Variants in RAB3C observed in about 807,000 individuals in gnomAD.
RAB3C encodes the protein ras-related protein Rab-3C.
RAB3C carries 17 observed loss-of-function variants against 26.4 expected under a neutral mutation model. The observed-to-expected ratio is 0.64, with a 90% confidence interval of 0.44 to 0.97. The LOEUF (loss-of-function observed/expected upper bound fraction) is 0.97, where lower values mean the gene tolerates loss of function less well. Ranked by LOEUF, RAB3C falls within the 50% of genes least tolerant of loss-of-function variation. The probability of loss-of-function intolerance (pLI) is 0.00; values close to 1 mark genes in which losing one functional copy is unlikely to be tolerated. For missense variants in RAB3C, 242 were observed against 281.9 expected, an observed-to-expected ratio of 0.86 and a Z score of 1.01; for synonymous variants, 91 against 95.9, an observed-to-expected ratio of 0.95 and a Z score of 0.30.
intron 2 of RAB3C, among the ~76,000 whole-genome samples, chr5:58,635,374 G>T (rs1392437787): frequency 6.6e-6 from 1 of 152,158 alleles, no homozygotes; most frequent in African/African-American, 2.4e-5. Flanking sequence ...TTTAATCTGG[G>T]TGCAATGGTG....
chr5:58,658,804 G>A (rs1177626726), intron 2 of RAB3C, among the ~76,000 whole-genome samples: 1 of 152,168 alleles, frequency 6.6e-6, no homozygotes, highest in Non-Finnish European at 1.5e-5. Context: ...TGAGCCAAGT[G>A]TATTTCATCA....
intron 3 of RAB3C, among the ~76,000 whole-genome samples, chr5:58,779,170 C>G (rs1270680865): frequency 6.6e-6 from 1 of 151,988 alleles, no homozygotes; most frequent in Non-Finnish European, 1.5e-5. Context: ...GCCAACAAGA[C>G]AGAATCACAG....
At position 58,855,898 on chromosome 5, in the gene RAB3C, A is replaced by G. The variant is rs371679797; in HGVS notation, c.*4547A>G. ...GGATTTATCTAAAATGTATCTACCT[A>G]TTGTTACTGGTATTTCACAAATAAT... On this transcript the variant is annotated 3_prime_UTR_variant, in exon 5 of 5. Coordinates refer to ENST00000282878, the MANE Select transcript of RAB3C (RefSeq NM_138453.4). The G allele has an allele frequency of 3.3e-5, 5 of 152,318 alleles. No homozygotes were observed. In the East Asian group the frequency reaches 9.6e-4, roughly 29 times the overall value. The allele number at this position is 152,318 out of a possible 1,614,324, so 9.4% of individuals were successfully genotyped here.
At chr5:58,824,196 G>A (rs990119972) in intron 3 of RAB3C, among the ~76,000 whole-genome samples, 36 of 152,022 alleles carry the variant, frequency 2.4e-4, no homozygotes, top group African/African-American at 8.4e-4. Context: ...ACGTGTGCGT[G>A]TGTCTTTATA....
chr5:58,624,086 A>G (rs1579823035), intron 2 of RAB3C, among the ~76,000 whole-genome samples: 2 of 152,210 alleles, frequency 1.3e-5, no homozygotes, highest in South Asian at 2.1e-4. Context: ...AGACTTTTGT[A>G]TTCAATTAAG....
intron 2 of RAB3C, among the ~76,000 whole-genome samples, chr5:58,659,443 T>A (rs1747851032): frequency 6.6e-6 from 1 of 152,210 alleles, no homozygotes; most frequent in South Asian, 2.1e-4. Context: ...AATCTTTTTC[T>A]CCCTTTCGCC....
chr5:58,597,079 A>AATATATAAT (rs1746306706), intron 1 of RAB3C, among the ~76,000 whole-genome samples: 4 of 6,564 alleles, frequency 6.1e-4, no homozygotes, highest in Admixed American at 4.5e-3. Context: ...ATTATATAAT[A>AATATATAAT]ATATATAATA....
intron 3 of RAB3C, among the ~76,000 whole-genome samples, chr5:58,798,218 A>G (rs1013090408): frequency 6.6e-6 from 1 of 152,162 alleles, no homozygotes; most frequent in Admixed American, 6.6e-5. Context: ...GGATGCTAAA[A>G]CATCCTGGTT....
At chr5:58,842,295 T>A (rs929872064) in intron 4 of RAB3C, among the ~76,000 whole-genome samples, 4 of 152,190 alleles carry the variant, frequency 2.6e-5, no homozygotes, top group African/African-American at 9.6e-5. Context: ...CAGAAAATCG[T>A]TTGTTCATCC....
chr5:58,720,848 C>T (rs1740733085), intron 2 of RAB3C, among the ~76,000 whole-genome samples: 1 of 151,786 alleles, frequency 6.6e-6, no homozygotes, highest in African/African-American at 2.4e-5. Flanking sequence ...AACGGTTACT[C>T]CCATTTTCCC....
At chr5:58,697,152 C>A (rs1329737485) in intron 2 of RAB3C, among the ~76,000 whole-genome samples, 2 of 152,150 alleles carry the variant, frequency 1.3e-5, no homozygotes, top group East Asian at 1.9e-4. Flanking sequence ...CAAAGAACAT[C>A]TTTATTTCTA....
chr5:58,787,384 T>G (rs953716989), intron 3 of RAB3C, among the ~76,000 whole-genome samples: 1 of 152,244 alleles, frequency 6.6e-6, no homozygotes, highest in Non-Finnish European at 1.5e-5. Flanking sequence ...AGAAATCTCT[T>G]GAGAAGAACA....
At chr5:58,653,079 G>A (rs1365678264) in intron 2 of RAB3C, among the ~76,000 whole-genome samples, 6 of 152,014 alleles carry the variant, frequency 3.9e-5, no homozygotes, top group Admixed American at 6.6e-5. Flanking sequence ...CCATCAACCC[G>A]TCATCTACTA....
At chr5:58,677,976 T>TTGTGTGTGTGTGTGTGTGTG (rs70973149) in intron 2 of RAB3C, among the ~76,000 whole-genome samples, 1,520 of 147,860 alleles carry the variant, frequency 0.01, 11 homozygotes, top group Non-Finnish European at 0.014. Flanking sequence ...CTAGATTATT[T>TTGTGTGTGTGTGTGTGTGTG]TGTGTGTGTG....
rs554520943 is a variant in RAB3C, at chr5:58,765,728, C to T, written c.371+39608C>T. On this transcript the variant is annotated intron_variant, in intron 3 of 4. Transcript: ENST00000282878. The stretch of plus-strand genomic sequence containing the variant: ...TGCATCATCCATCATTTATCTAATC[C>T]GTCACATTGATATATGATATCAAGA... 2.7e-4 allele frequency among the ~76,000 whole-genome samples: 41 copies of T among 152,196 alleles called. 1 individual carries two copies. Among genetic ancestry groups the T allele is most frequent in the South Asian group, 1.9e-3 (9 of 4,814 alleles).
At chr5:58,582,420 C>A, upstream of RAB3C, 1 of 985,370 alleles carries the variant, frequency 1.0e-6, no homozygotes, top group Non-Finnish European at 1.2e-6. Flanking sequence ...GAAAGGTAAG[C>A]AGGCGAAAGG....
chr5:58,845,086 T>A (rs906600727), intron 4 of RAB3C, among the ~76,000 whole-genome samples: 1 of 152,184 alleles, frequency 6.6e-6, no homozygotes, highest in African/African-American at 2.4e-5. Context: ...TGCAGTCACA[T>A]GTGGAATGGA....
At chr5:58,726,705 T>G (rs1180303815) in intron 3 of RAB3C, among the ~76,000 whole-genome samples, 1 of 152,036 alleles carries the variant, frequency 6.6e-6, no homozygotes, top group East Asian at 1.9e-4. Flanking sequence ...TGAAAAATTT[T>G]GAAGGACTGA....
At chr5:58,797,348 AAAAAAATATGTATATATATAATATAT>A (rs1457380775) in intron 3 of RAB3C, among the ~76,000 whole-genome samples, 2 of 6,670 alleles carry the variant, frequency 3.0e-4, no homozygotes, top group African/African-American at 1.1e-3. Context: ...ACAAAAAAAA[AAAAAAATATGTATATATATAATATAT>A]ATATATATAT....
Sources: allele counts gnomAD v4.1 joint callset (sites outside exome capture counted in the v4.1 genomes callset), GRCh38; gene constraint gnomAD v4.1.1; transcripts MANE v1.5; gene names NCBI Gene and HGNC (gene_info 2026-07-23, HGNC 2026-07-21).